Variants in ARID5B observed in about 807,000 individuals in gnomAD.
ARID5B encodes the protein AT-rich interaction domain 5B.
A neutral mutation model predicts 97.2 loss-of-function variants in ARID5B; 13 were observed. The observed-to-expected ratio is 0.13, with a 90% CI of 0.09 to 0.21. The LOEUF (loss-of-function observed/expected upper bound fraction) is 0.21, where lower values mean the gene tolerates loss of function less well. ARID5B is among the 10% of genes least tolerant of loss of function. ARID5B has a pLI of 1.00. For synonymous variants in ARID5B, 556 were observed against 570.3 expected (o/e 0.97, Z 0.36); for missense variants, 1,210 against 1,465.3 (o/e 0.83, Z 2.84).
intron 3 of ARID5B, among the ~76,000 whole-genome samples, chr10:61,989,045 T>A (rs1006607841): frequency 6.7e-6 from 1 of 149,144 alleles, no homozygotes; most frequent in Non-Finnish European, 1.5e-5. Flanking sequence ...TTCTCCTGCC[T>A]CAGCCTCCCA....
rs149370046 is a variant in ARID5B, at chr10:61,917,358, G to A, written c.276+14945G>A. Among the ~76,000 whole-genome samples, 352 of 151,992 alleles carry A rather than the reference G, an allele frequency of 2.3e-3. 2 individuals are homozygous for A. Among genetic ancestry groups the A allele is most frequent in the African/African-American group, 8.0e-3 (333 of 41,468 alleles). ...TATTATTTATTTAAGACAGAGTCTCGCTCTGTCGCCCAGGCTGGAGTGCAG... is the reference window on the plus strand; with the variant it reads ...TATTATTTATTTAAGACAGAGTCTCACTCTGTCGCCCAGGCTGGAGTGCAG... On this transcript the variant is annotated intron_variant, in intron 2 of 9. Coordinates refer to ENST00000279873, the MANE Select transcript of ARID5B (RefSeq NM_032199.3).
In ARID5B at chr10:62,092,601, C is replaced by T; in HGVS notation, c.3138C>T (p.Ala1046=). The T allele has an allele frequency of 1.2e-6, 2 of 1,614,196 alleles. No individual in the cohort carries two copies. Among genetic ancestry groups the T allele is most frequent in the Admixed American group, 3.3e-5 (2 of 60,022 alleles). ...AGGAGGTCTCTGGGAAGGAGAAGGC[C>T]TCTGAGCAGGAGAGTGAAGGCAGCA... is the stretch of plus-strand genomic sequence containing the variant. ...PSKEVSGKEK[A]SEQESEGSKA... Residue 1046 remains alanine (A), a synonymous_variant, in exon 10 of 10, where the codon GCC becomes GCT. Transcript: ENST00000279873.
intron 3 of ARID5B, among the ~76,000 whole-genome samples, chr10:61,955,280 A>G (rs1409702978): frequency 6.6e-6 from 1 of 152,210 alleles, no homozygotes; most frequent in East Asian, 1.9e-4. Context: ...CTCACGCAGA[A>G]AGGGAAAAAA....
intron 9 of ARID5B, among the ~76,000 whole-genome samples, chr10:62,086,709 A>AAAC (rs1554851219): frequency 0.032 from 3,676 of 113,940 alleles, 400 homozygotes; most frequent in Middle Eastern, 0.063. Flanking sequence ...AAAAAAAAAA[A>AAAC]AAATATCAGG....
intron 6 of ARID5B, among the ~76,000 whole-genome samples, chr10:62,058,956 C>T (rs1231670565): frequency 6.6e-6 from 1 of 152,180 alleles, no homozygotes; most frequent in Non-Finnish European, 1.5e-5. Flanking sequence ...AATTTAGCTT[C>T]TCTTGCTCTG....
intron 4 of ARID5B, among the ~76,000 whole-genome samples, chr10:62,029,791 T>C (rs1427705216): frequency 6.6e-6 from 1 of 152,230 alleles, no homozygotes; most frequent in Non-Finnish European, 1.5e-5. Context: ...TCAAAGTCAA[T>C]ATTAATGGAC....
chr10:62,054,968 T>C (rs1839836307), intron 5 of ARID5B, among the ~76,000 whole-genome samples: 1 of 152,182 alleles, frequency 6.6e-6, no homozygotes, highest in African/African-American at 2.4e-5. Flanking sequence ...AGGTAGAGTA[T>C]GTGAAGCCCA....
At chr10:61,973,058 AC>A (rs1321552777) in intron 3 of ARID5B, among the ~76,000 whole-genome samples, 2 of 152,182 alleles carry the variant, frequency 1.3e-5, no homozygotes, top group Non-Finnish European at 2.9e-5. Context: ...AGGAAAGACA[AC>A]CCAACACTAA....
At chr10:61,991,073 C>CACAG (rs1554842863) in intron 3 of ARID5B, among the ~76,000 whole-genome samples, 1 of 150,504 alleles carries the variant, frequency 6.6e-6, no homozygotes, top group Admixed American at 6.6e-5. Context: ...CACACACACA[C>CACAG]CAAATTTTGT....
At chr10:62,083,313 G>A (rs1021061265) in intron 8 of ARID5B, among the ~76,000 whole-genome samples, 50 of 128,784 alleles carry the variant, frequency 3.9e-4, no homozygotes, top group Middle Eastern at 4.1e-3. Context: ...AAGAAAAAAT[G>A]AAAAAAAAAA....
At chr10:62,065,858 A>C (rs898922630) in intron 7 of ARID5B, among the ~76,000 whole-genome samples, 1 of 151,008 alleles carries the variant, frequency 6.6e-6, no homozygotes, top group African/African-American at 2.4e-5. Context: ...AAAAAAAAAA[A>C]AAAAAAAGGA....
At chr10:61,949,014 T>C (rs749402763) in intron 3 of ARID5B, among the ~76,000 whole-genome samples, 63 of 152,340 alleles carry the variant, frequency 4.1e-4, no homozygotes, top group Non-Finnish European at 1.0e-4. Flanking sequence ...ACATCGTTGT[T>C]AATATGGCAG....
At chr10:62,076,992 A>G (rs1310040189) in intron 8 of ARID5B, among the ~76,000 whole-genome samples, 1 of 152,206 alleles carries the variant, frequency 6.6e-6, no homozygotes, top group Non-Finnish European at 1.5e-5. Flanking sequence ...TCCTAGCCCT[A>G]TCAACAACCA....
At chr10:62,076,165 C>A (rs1483209786) in intron 8 of ARID5B, among the ~76,000 whole-genome samples, 2 of 151,882 alleles carry the variant, frequency 1.3e-5, no homozygotes, top group Non-Finnish European at 2.9e-5. Context: ...CTCATTAGAA[C>A]TGGAAGATGC....
intron 3 of ARID5B, among the ~76,000 whole-genome samples, chr10:61,993,752 A>AT (rs1315633884): frequency 6.6e-6 from 1 of 152,242 alleles, no homozygotes; most frequent in East Asian, 1.9e-4. Context: ...TAGCAGTAAG[A>AT]ATTGGAATAG....
At chr10:61,922,552 G>A (rs1049188234) in intron 2 of ARID5B, among the ~76,000 whole-genome samples, 39 of 152,212 alleles carry the variant, frequency 2.6e-4, no homozygotes, top group Non-Finnish European at 5.6e-4. Flanking sequence ...GCAGTGAGCC[G>A]AGATCATGCC....
intron 3 of ARID5B, among the ~76,000 whole-genome samples, chr10:61,946,552 G>A (rs1844501795): frequency 6.6e-6 from 1 of 152,186 alleles, no homozygotes; most frequent in East Asian, 1.9e-4. Flanking sequence ...AACTTGAGAA[G>A]TTTCTTAAAT....
chr10:61,904,809 C>T (rs1843680643), intron 2 of ARID5B, among the ~76,000 whole-genome samples: 1 of 152,226 alleles, frequency 6.6e-6, no homozygotes, highest in Non-Finnish European at 1.5e-5. Flanking sequence ...TATGCAAATG[C>T]AGACTGCATT....
At chr10:62,017,409 G>C (rs796123118) in intron 4 of ARID5B, among the ~76,000 whole-genome samples, 2 of 151,546 alleles carry the variant, frequency 1.3e-5, no homozygotes, top group Non-Finnish European at 2.9e-5. Context: ...CCAAGATCAC[G>C]TCATTGCACT....
Sources: gnomAD v4.1 joint callset for allele counts (sites outside exome capture counted in the v4.1 genomes callset) on GRCh38, gnomAD v4.1.1 for gene constraint, MANE v1.5 for transcripts, NCBI Gene and HGNC (gene_info 2026-07-23, HGNC 2026-07-21) for gene names.